The following C14orf132 variants were observed in gnomAD, a reference collection of about 807,000 sequenced individuals.
The protein encoded by C14orf132 is chromosome 14 open reading frame 132.
In C14orf132, 6 loss-of-function variants were observed where a neutral mutation model predicts 5.8. The ratio of observed to expected loss-of-function variants is 1.03; its 90% CI spans 0.57 to 2.04. C14orf132 has a LOEUF of 2.04. Ranked by LOEUF, C14orf132 falls within the 30% of genes most tolerant of loss-of-function variation. The pLI is 0.00. For synonymous variants in C14orf132, 51 were observed against 49.8 expected (o/e 1.02, Z -0.10); for missense variants, 125 against 115.8 (o/e 1.08, Z -0.37).
intron 1 of C14orf132, among the ~76,000 whole-genome samples, chr14:96,051,384 C>A (rs1292513516): frequency 6.6e-6 from 1 of 152,160 alleles, no homozygotes; most frequent in African/African-American, 2.4e-5. Flanking sequence ...CCTTGTTCCC[C>A]AGAAGGATGA....
chr14:96,043,094 G>A (rs987948239), intron 1 of C14orf132, among the ~76,000 whole-genome samples: 1 of 152,174 alleles, frequency 6.6e-6, no homozygotes, highest in African/African-American at 2.4e-5. Context: ...CACTTCAAGA[G>A]CTGGAATCTG....
chr14:96,090,630 C>T lies in C14orf132; in HGVS notation c.*3895C>T, dbSNP rs950662539. The T allele has an allele frequency of 4.4e-6, 2 of 455,952 alleles. No individual in the cohort carries two copies. Among genetic ancestry groups the T allele is most frequent in the Non-Finnish European group, 8.8e-6 (2 of 226,802 alleles). 28.2% of individuals were successfully genotyped at this position (455,952 alleles called of 1,614,324 possible). A position where few individuals can be genotyped will look rare whatever the true frequency, so the allele number is the denominator to read the frequency against. ...AAGGTCAAGAGGCAAATAAGACTCCCTGCTCCACTCTACCCCCCAGAGAGA... is the reference window on the plus strand; with the variant it reads ...AAGGTCAAGAGGCAAATAAGACTCCTTGCTCCACTCTACCCCCCAGAGAGA... On this transcript the variant is annotated 3_prime_UTR_variant, in exon 2 of 2. Coordinates refer to ENST00000555004, the MANE Select transcript of C14orf132 (RefSeq NM_001252507.3).
At chr14:96,055,206 T>C (rs1444727630) in intron 1 of C14orf132, among the ~76,000 whole-genome samples, 1 of 152,186 alleles carries the variant, frequency 6.6e-6, no homozygotes, top group East Asian at 1.9e-4. Flanking sequence ...TGGGGCAATG[T>C]GGAGCAGCCC....
At chr14:96,061,644 G>C (rs1887360794) in intron 1 of C14orf132, among the ~76,000 whole-genome samples, 1 of 152,158 alleles carries the variant, frequency 6.6e-6, no homozygotes, top group African/African-American at 2.4e-5. Flanking sequence ...AACATCTCAG[G>C]ACAGGTGCAG....
In C14orf132 at chr14:96,039,648, C is replaced by G; in HGVS notation, c.27+121C>G. 2.7e-6 allele frequency: 3 copies of G among 1,094,320 alleles called. No individual in the cohort carries two copies. The East Asian group carries it at 9.7e-5, about 35-fold the overall frequency. 67.8% of individuals were successfully genotyped at this position (1,094,320 alleles called of 1,614,324 possible). ...CCCGCCCGCGATCCGCGTCCCGGTC[C>G]TTTGTCCCGAGCCGGACACCCCCAC... On this transcript the variant is annotated intron_variant, in intron 1 of 1. Coordinates refer to ENST00000555004, the MANE Select transcript of C14orf132 (RefSeq NM_001252507.3). The surrounding 1 kb of genome is among the most constrained non-coding windows in gnomAD (Gnocchi z 5.3).
intron 1 of C14orf132, among the ~76,000 whole-genome samples, chr14:96,084,527 G>T (rs1478979885): frequency 6.6e-6 from 1 of 152,170 alleles, no homozygotes; most frequent in Non-Finnish European, 1.5e-5. Flanking sequence ...CATCTGACCT[G>T]CAATTCTTTT....
intron 1 of C14orf132, among the ~76,000 whole-genome samples, chr14:96,066,458 A>T (rs922732502): frequency 6.6e-6 from 1 of 152,028 alleles, no homozygotes; most frequent in African/African-American, 2.4e-5. Flanking sequence ...AAATATCCTT[A>T]TTTCCCTGGG....
chr14:96,090,774 G>C lies in C14orf132; in HGVS notation c.*4039G>C, dbSNP rs755480633. 1.3e-5 allele frequency: 6 copies of C among 455,966 alleles called. No homozygotes were observed. Among genetic ancestry groups the C allele is most frequent in the South Asian group, 9.3e-5 (6 of 64,562 alleles). 28.2% of individuals were successfully genotyped at this position (455,966 alleles called of 1,614,324 possible). A position where few individuals can be genotyped will look rare whatever the true frequency, so the allele number is the denominator to read the frequency against. ...TTTCCAGCCCCGGTTCAGCTGGAAGGCTTGGAGGCTGGCCAGACCACTCTG... is the reference window on the plus strand; with the variant it reads ...TTTCCAGCCCCGGTTCAGCTGGAAGCCTTGGAGGCTGGCCAGACCACTCTG... On this transcript the variant is annotated 3_prime_UTR_variant, in exon 2 of 2. Transcript: ENST00000555004.
At chr14:96,071,982 T>C (rs1441834813) in intron 1 of C14orf132, among the ~76,000 whole-genome samples, 1 of 152,106 alleles carries the variant, frequency 6.6e-6, no homozygotes, top group Non-Finnish European at 1.5e-5. Flanking sequence ...GGAGACCTGG[T>C]GTGAAGGGAG....
chr14:96,069,181 A>ATATATATATATATG (rs1555385309), intron 1 of C14orf132, among the ~76,000 whole-genome samples: 4 of 109,004 alleles, frequency 3.7e-5, no homozygotes, highest in African/African-American at 1.5e-4. Context: ...ATATATATGT[A>ATATATATATATATG]TATATATATA....
intron 1 of C14orf132, among the ~76,000 whole-genome samples, chr14:96,085,584 T>A (rs1332320423): frequency 6.6e-6 from 1 of 152,236 alleles, no homozygotes; most frequent in Non-Finnish European, 1.5e-5. Context: ...GCATCCCGTG[T>A]GCAGTGATGT....
chr14:96,043,257 A>G (rs1469761228), intron 1 of C14orf132, among the ~76,000 whole-genome samples: 1 of 152,182 alleles, frequency 6.6e-6, no homozygotes, highest in African/African-American at 2.4e-5. Context: ...CACTTGCTCC[A>G]GGGGAAGCCC....
intron 1 of C14orf132, among the ~76,000 whole-genome samples, chr14:96,055,382 G>T (rs1887151629): frequency 6.6e-6 from 1 of 152,158 alleles, no homozygotes; most frequent in Non-Finnish European, 1.5e-5. Flanking sequence ...CTGCCCCAGA[G>T]GGGACACTGT....
At chr14:96,065,260 T>C (rs564962349) in intron 1 of C14orf132, among the ~76,000 whole-genome samples, 1 of 152,180 alleles carries the variant, frequency 6.6e-6, no homozygotes, top group South Asian at 2.1e-4. Context: ...GAGAGCTACA[T>C]TGGTTGGAGG....
In C14orf132 at chr14:96,090,482, G is replaced by T; in HGVS notation, c.*3747G>T. 5 of 385,124 alleles carry T rather than the reference G, an allele frequency of 1.3e-5. No individual in the cohort carries two copies. The highest frequency in any genetic ancestry group is 2.6e-5 in the Non-Finnish European group (5 of 192,364). 23.9% of individuals were successfully genotyped at this position (385,124 alleles called of 1,614,324 possible). ...CACCACTGAAGGTCTTTGAGAAGAG[G>T]CCAGACGCCGCTGTAGCCAGGCCTG... is the stretch of plus-strand genomic sequence containing the variant. On this transcript the variant is annotated 3_prime_UTR_variant, in exon 2 of 2. Transcript: ENST00000555004.
rs1595200666 is a variant in C14orf132, at chr14:96,092,275, G to C, written c.*5540G>C. ...CTTTTGACCGTGGCGGCAGCCTCGC[G>C]CCTGCCCGGATGGCTCCATCCAGAC... On this transcript the variant is annotated 3_prime_UTR_variant, in exon 2 of 2. Transcript: ENST00000555004. 6.6e-6 allele frequency: 1 copy of C among 152,194 alleles called. No individual in the cohort carries two copies. The highest frequency in any genetic ancestry group is 2.4e-5 in the African/African-American group (1 of 41,456). The allele number at this position is 152,194 out of a possible 1,614,324, so 9.4% of individuals were successfully genotyped here. A position where few individuals can be genotyped will look rare whatever the true frequency, so the allele number is the denominator to read the frequency against.
At chr14:96,049,351 A>T (rs1317243656) in intron 1 of C14orf132, among the ~76,000 whole-genome samples, 4 of 145,498 alleles carry the variant, frequency 2.7e-5, no homozygotes, top group Admixed American at 1.4e-4. Context: ...TTATTTATTT[A>T]TTTTTTTGAG....
chr14:96,078,049 C>T (rs12887241), intron 1 of C14orf132, among the ~76,000 whole-genome samples: 94 of 152,258 alleles, frequency 6.2e-4, no homozygotes, highest in Admixed American at 1.1e-3. Flanking sequence ...CCTCTGGCTG[C>T]AAAGCCTGCG....
At chr14:96,040,277 CAAAGACA>C (rs1886655894) in intron 1 of C14orf132, 1 of 398,554 alleles carries the variant, frequency 2.5e-6, no homozygotes, top group Non-Finnish European at 4.4e-6. Context: ...TGAGCCAGAA[CAAAGACA>C]AATCCCGGAT....
Sources: allele counts gnomAD v4.1 joint callset (sites outside exome capture counted in the v4.1 genomes callset), GRCh38; gene constraint gnomAD v4.1.1; non-coding constraint Gnocchi (gnomAD v3.1); transcripts MANE v1.5; gene names NCBI Gene and HGNC (gene_info 2026-07-23, HGNC 2026-07-21).